ADGRL3: variants seen among roughly 807,000 people sequenced by gnomAD.
The protein encoded by ADGRL3 is calcium-independent alpha-latrotoxin receptor 3.
Under a neutral mutation model 153.5 loss-of-function variants are expected in ADGRL3, and 62 were observed. The observed-to-expected ratio is 0.40, with a 90% CI of 0.33 to 0.50. The LOEUF (loss-of-function observed/expected upper bound fraction) is 0.50. Ranked by LOEUF, ADGRL3 falls within the 20% of genes least tolerant of loss-of-function variation. The pLI is 0.47. For missense variants in ADGRL3, 1,641 were observed against 1,859.4 expected (o/e 0.88, Z 2.16); for synonymous variants, 710 against 672.5 (o/e 1.06, Z -0.86).
intron 6 of ADGRL3, among the ~76,000 whole-genome samples, chr4:61,683,895 G>T (rs182555508): frequency 3.9e-5 from 6 of 152,270 alleles, no homozygotes; most frequent in Admixed American, 2.6e-4. Context: ...CTCCCAAAGT[G>T]CTGGGACTAC....
In ADGRL3 at chr4:61,603,643, T is replaced by C. The variant is rs12642140; in HGVS notation, c.473+16203T>C. ...AGCACTTATATCTCAGCACTTAGAA[T>C]ATTTTCAGTAAGAAAAAATGAACAA... On this transcript the variant is annotated intron_variant, in intron 5 of 26. Coordinates refer to ENST00000683033, the MANE Select transcript of ADGRL3 (RefSeq NM_001387552.1). Among the ~76,000 whole-genome samples the C allele has an allele frequency of 3.0e-4, 46 of 152,298 alleles. No individual in the cohort carries two copies. The East Asian group carries it at 8.7e-3, about 29-fold the overall frequency.
At chr4:61,756,424 T>A (rs1447659940) in intron 8 of ADGRL3, among the ~76,000 whole-genome samples, 2 of 152,192 alleles carry the variant, frequency 1.3e-5, no homozygotes, top group Non-Finnish European at 2.9e-5. Context: ...TCTGTTTGTC[T>A]GTTATTGGTG....
chr4:61,909,670 G>A lies in ADGRL3; in HGVS notation c.1998G>A (p.Leu666=). 1 of 1,607,690 alleles carries A rather than the reference G, an allele frequency of 6.2e-7. No homozygotes were observed. The highest frequency in any genetic ancestry group is 8.5e-7 in the Non-Finnish European group (1 of 1,176,956). ...ITYSVRAMDQ[L]VGLLDVQLRN... is the part of the protein sequence containing the mutation. ...ACTCTGTCCGGGCCATGGACCAGCT[G>A]GTAGGCCTCCTAGATGTACAGCTTC... The change falls in exon 12 of 27, where the codon CTG becomes CTA. Residue 666 remains leucine, a synonymous_variant. Coordinates refer to ENST00000683033, the MANE Select transcript of ADGRL3 (RefSeq NM_001387552.1).
intron 15 of ADGRL3, 102 bp downstream of exon 15, chr4:61,936,147 C>A: frequency 8.2e-7 from 1 of 1,224,830 alleles, no homozygotes. Flanking sequence ...AGCTTTTCCC[C>A]TCTTCCTCTT....
intron 5 of ADGRL3, among the ~76,000 whole-genome samples, chr4:61,596,863 A>C (rs1315850290): frequency 6.6e-6 from 1 of 152,080 alleles, no homozygotes; most frequent in East Asian, 1.9e-4. Flanking sequence ...GTCTCAAAAA[A>C]CTGTTGGGAA....
At chr4:61,343,629 T>C (rs2095847971) in intron 1 of ADGRL3, among the ~76,000 whole-genome samples, 1 of 152,162 alleles carries the variant, frequency 6.6e-6, no homozygotes, top group Non-Finnish European at 1.5e-5. Context: ...TAATAGATAC[T>C]AGACCTGGAT....
intron 1 of ADGRL3, among the ~76,000 whole-genome samples, chr4:61,327,122 C>T (rs1288481338): frequency 2.6e-5 from 4 of 151,892 alleles, no homozygotes; most frequent in Non-Finnish European, 4.4e-5. Context: ...ACTTTGAGTT[C>T]GTTTTACTCC....
Position 61,784,474 on chromosome 4 carries a change from A to G in ADGRL3, c.1400-29335A>G, listed in dbSNP as rs139068916. Among the ~76,000 whole-genome samples the G allele has an allele frequency of 3.9e-5, 6 of 152,260 alleles. No individual in the cohort carries two copies. The East Asian group carries it at 9.6e-4, about 24-fold the overall frequency. ...CACTTCACAAGATGCTGCAGATACA[A>G]TGAATCAAACACATTCAGTCACTGT... On this transcript the variant is annotated intron_variant, in intron 8 of 26. Transcript: ENST00000683033.
At chr4:61,836,657 T>C (rs1376247108) in intron 9 of ADGRL3, among the ~76,000 whole-genome samples, 2 of 152,132 alleles carry the variant, frequency 1.3e-5, no homozygotes, top group Admixed American at 6.5e-5. Flanking sequence ...AACAACGTTA[T>C]TCATGAATAC....
intron 6 of ADGRL3, among the ~76,000 whole-genome samples, chr4:61,687,201 A>G (rs975944523): frequency 6.6e-6 from 1 of 152,010 alleles, no homozygotes; most frequent in Non-Finnish European, 1.5e-5. Context: ...GATAGGCTCA[A>G]TAAAGTTCCC....
intron 8 of ADGRL3, among the ~76,000 whole-genome samples, chr4:61,784,629 A>T (rs2097256069): frequency 1.3e-5 from 2 of 152,120 alleles, no homozygotes; most frequent in African/African-American, 4.8e-5. Context: ...GACACCTAGA[A>T]CAAAGGTGAA....
intron 6 of ADGRL3, among the ~76,000 whole-genome samples, chr4:61,729,971 A>G (rs2096411970): frequency 6.6e-6 from 1 of 151,928 alleles, no homozygotes; most frequent in Non-Finnish European, 1.5e-5. Flanking sequence ...GAAGCACAGT[A>G]TTTTTCCACA....
intron 4 of ADGRL3, among the ~76,000 whole-genome samples, chr4:61,577,207 T>A (rs1200276049): frequency 7.4e-6 from 1 of 135,994 alleles, no homozygotes; most frequent in Non-Finnish European, 1.6e-5. Context: ...TGTGCATGTG[T>A]GTGTTAGGGA....
intron 2 of ADGRL3, among the ~76,000 whole-genome samples, chr4:61,490,417 C>T (rs2098245772): frequency 6.6e-6 from 1 of 151,758 alleles, no homozygotes; most frequent in Non-Finnish European, 1.5e-5. Context: ...GGAATTATGC[C>T]TTGTATATCT....
chr4:61,856,246 T>C (rs2098262284), intron 9 of ADGRL3, among the ~76,000 whole-genome samples: 1 of 152,064 alleles, frequency 6.6e-6, no homozygotes, highest in African/African-American at 2.4e-5. Flanking sequence ...AGGAACTGTT[T>C]ATGTCTGTGA....
intron 1 of ADGRL3, among the ~76,000 whole-genome samples, chr4:61,350,488 T>A (rs2096021390): frequency 6.6e-6 from 1 of 152,122 alleles, no homozygotes. Flanking sequence ...GTGCATCACT[T>A]TATTCCACTT....
At chr4:61,292,942 G>A (rs553545193) in intron 1 of ADGRL3, among the ~76,000 whole-genome samples, 37 of 152,030 alleles carry the variant, frequency 2.4e-4, no homozygotes, top group African/African-American at 4.1e-4. Context: ...TCCTAAGATC[G>A]CCTGTCCAAT....
At chr4:61,328,731 G>C (rs2095512813) in intron 1 of ADGRL3, among the ~76,000 whole-genome samples, 1 of 152,052 alleles carries the variant, frequency 6.6e-6, no homozygotes, top group Non-Finnish European at 1.5e-5. Context: ...TATTTTTCTA[G>C]AATAATATAT....
At chr4:61,219,893 A>C (rs1301316878) in intron 1 of ADGRL3, among the ~76,000 whole-genome samples, 1 of 152,104 alleles carries the variant, frequency 6.6e-6, no homozygotes, top group South Asian at 2.1e-4. Flanking sequence ...TGATCACCTG[A>C]GGTCAGGAGT....
Sources: gnomAD v4.1 joint callset for allele counts (sites outside exome capture counted in the v4.1 genomes callset) on GRCh38, gnomAD v4.1.1 for gene constraint, MANE v1.5 for transcripts, NCBI Gene and HGNC (gene_info 2026-07-23, HGNC 2026-07-21) for gene names.